Variants in CABIN1 observed in about 807,000 individuals in gnomAD.
The protein encoded by CABIN1 is calcineurin-binding protein cabin-1.
CABIN1 carries 133 observed loss-of-function variants against 227.7 expected under a neutral mutation model. The ratio of observed to expected loss-of-function variants is 0.58; its 90% CI spans 0.51 to 0.67. CABIN1 has a LOEUF of 0.67. Among genes scored for constraint, CABIN1 ranks in the 30% least tolerant of loss-of-function variants. The probability of loss-of-function intolerance (pLI) is 0.00; values close to 1 mark genes in which losing one functional copy is unlikely to be tolerated. For missense variants in CABIN1, 2,408 were observed against 2,852.5 expected, an observed-to-expected ratio of 0.84 and a Z score of 3.55; for synonymous variants, 1,086 against 1,155.1, an observed-to-expected ratio of 0.94 and a Z score of 1.21.
chr22:24,124,405 G>A (rs755823043), intron 28 of CABIN1, among the ~76,000 whole-genome samples: 2 of 152,234 alleles, frequency 1.3e-5, no homozygotes. Context: ...GGTCTGTCCT[G>A]AGAGACCTTT....
chr22:24,019,063 A>C (rs931370309), intron 1 of CABIN1, among the ~76,000 whole-genome samples: 1 of 147,212 alleles, frequency 6.8e-6, no homozygotes, highest in African/African-American at 2.5e-5. Context: ...GTTTGTATAT[A>C]TGAAGGCTAT....
At chr22:24,067,474 C>G (rs1218318806) in intron 16 of CABIN1, among the ~76,000 whole-genome samples, 1 of 152,238 alleles carries the variant, frequency 6.6e-6, no homozygotes, top group Non-Finnish European at 1.5e-5. Flanking sequence ...AGGTCATCAT[C>G]TGTCCATCCA....
intron 8 of CABIN1, among the ~76,000 whole-genome samples, chr22:24,051,647 C>T (rs1423457204): frequency 6.6e-6 from 1 of 152,194 alleles, no homozygotes; most frequent in Non-Finnish European, 1.5e-5. Context: ...CCACCCCTGT[C>T]TGCCTACTCT....
chr22:24,155,722 G>T, intron 29 of CABIN1: 1 of 316,460 alleles, frequency 3.2e-6, no homozygotes. Flanking sequence ...CCTGCAGAGG[G>T]GGGATATAAC....
At position 24,177,358 on chromosome 22, in the gene CABIN1, C is replaced by A; in HGVS notation, c.6206-146C>A. The A allele has an allele frequency of 1.4e-6, 1 of 709,578 alleles. No individual in the cohort carries two copies. The highest frequency in any genetic ancestry group is 2.7e-5 in the East Asian group (1 of 37,532). The allele number at this position is 709,578 out of a possible 1,614,324, so 44.0% of individuals were successfully genotyped here. A position where few individuals can be genotyped will look rare whatever the true frequency, so the allele number is the denominator to read the frequency against. ...TGCAGGCCTGAGCCAAGTATTTGCC[C>A]AGGGTAGAAGCCTTGGAGCCTGCCA... On this transcript the variant is annotated intron_variant, in intron 35 of 36. Coordinates refer to ENST00000263119, the MANE Select transcript of CABIN1 (RefSeq NM_012295.4). This position sits in a 1 kb window ranked among gnomAD's most constrained non-coding sequence, Gnocchi z 4.4.
chr22:24,076,103 CGCA>C (rs1219955517), intron 18 of CABIN1, 63 bp from the exon 19 acceptor site: 8 of 1,140,938 alleles, frequency 7.0e-6, no homozygotes, highest in Non-Finnish European at 1.1e-5. Context: ...GACTGAGCCT[CGCA>C]GCCCCTGCAG....
intron 6 of CABIN1, among the ~76,000 whole-genome samples, chr22:24,045,020 T>C (rs886843088): frequency 6.6e-6 from 1 of 151,700 alleles, no homozygotes; most frequent in Non-Finnish European, 1.5e-5. Context: ...CCCAGGTTCA[T>C]GCCATTCTCC....
chr22:24,061,277 T>C (rs1441732295), intron 12 of CABIN1, among the ~76,000 whole-genome samples: 1 of 152,156 alleles, frequency 6.6e-6, no homozygotes, highest in East Asian at 1.9e-4. Flanking sequence ...CTTACTCCTG[T>C]TGGAGGTGGG....
rs1357741645 is a variant in CABIN1, at chr22:24,096,099, A to G, written c.3938+17A>G. 3 of 1,613,856 alleles carry G rather than the reference A, an allele frequency of 1.9e-6. No individual in the cohort carries two copies. In the South Asian group the frequency reaches 3.3e-5, roughly 18 times the overall value. On this transcript the variant is annotated intron_variant, in intron 25 of 36. Coordinates refer to ENST00000263119, the MANE Select transcript of CABIN1 (RefSeq NM_012295.4). The stretch of plus-strand genomic sequence containing the variant: ...TTCAGAAAAGTGAGTAGCACCCTTC[A>G]GGCGACCCCTAGCAGCTTACCCCAT...
intron 3 of CABIN1, among the ~76,000 whole-genome samples, chr22:24,037,415 G>C (rs141054255): frequency 2.6e-5 from 4 of 151,938 alleles, no homozygotes; most frequent in Admixed American, 2.0e-4. Flanking sequence ...CAGTCTTCCT[G>C]TCTCAGCCTC....
intron 1 of CABIN1, among the ~76,000 whole-genome samples, chr22:24,030,972 C>T (rs779848945): frequency 2.0e-5 from 3 of 152,300 alleles, no homozygotes; most frequent in African/African-American, 4.8e-5. Context: ...TGGTTGGATG[C>T]GTTCCTTTGA....
chr22:24,119,549 C>T lies in CABIN1; in HGVS notation c.4483C>T (p.Gln1495Ter). Reference sequence around the variant, plus strand: ...CCCAGGGGAGCCAGTGGCCTTCCCCCAGGGGCTGCCGGCTGGTGCTGAGGA... The same window carrying T: ...CCCAGGGGAGCCAGTGGCCTTCCCCTAGGGGCTGCCGGCTGGTGCTGAGGA... ...DLPGEPVAFPQGLPAGAEEQR... is the reference protein window; with the variant it reads ...DLPGEPVAFP Residue 1495 changes from glutamine to a stop codon, truncating the protein, a stop_gained, in exon 28 of 37, where the codon CAG (glutamine) becomes TAG (stop). Coordinates refer to ENST00000263119, the MANE Select transcript of CABIN1 (RefSeq NM_012295.4). LOFTEE classifies it high-confidence loss of function. The T allele has an allele frequency of 6.2e-7, 1 of 1,613,942 alleles. No homozygotes were observed. The highest frequency in any genetic ancestry group is 1.3e-5 in the African/African-American group (1 of 75,056).
At chr22:24,161,509 C>A (rs1312039602) in intron 29 of CABIN1, among the ~76,000 whole-genome samples, 1 of 152,142 alleles carries the variant, frequency 6.6e-6, no homozygotes, top group Non-Finnish European at 1.5e-5. Context: ...CAGAGGAGAC[C>A]CTCCTCGCGG....
intron 29 of CABIN1, among the ~76,000 whole-genome samples, chr22:24,156,934 C>T (rs928235659): frequency 2.3e-4 from 35 of 152,292 alleles, no homozygotes; most frequent in African/African-American, 8.4e-4. Flanking sequence ...AGGCTGGAAA[C>T]GAGCGGGCGC....
At position 24,072,542 on chromosome 22, in the gene CABIN1, C is replaced by T. The variant is rs751968265; in HGVS notation, c.2632+32C>T. On this transcript the variant is annotated intron_variant, in intron 18 of 36. Transcript: ENST00000263119. ...AGGCAGTGGGTGCAGTGGGGATGAGCTCTGACTCCCATGTCCTTGCCCCTG... is the reference window on the plus strand; with the variant it reads ...AGGCAGTGGGTGCAGTGGGGATGAGTTCTGACTCCCATGTCCTTGCCCCTG... The T allele has an allele frequency of 1.1e-5, 17 of 1,613,452 alleles. No individual in the cohort carries two copies. The East Asian group carries it at 2.9e-4, about 27-fold the overall frequency.
Position 24,167,298 on chromosome 22 carries a change from C to T in CABIN1, c.5667C>T (p.Tyr1889=), listed in dbSNP as rs145316290. ...GRVERIMSET[Y]MLIKQVDEEA... ...TGGAGAGGATCATGTCGGAGACCTA[C>T]ATGCTCATCAAGCAGGTGGGTGGCA... is the stretch of plus-strand genomic sequence containing the variant. Residue 1889 remains tyrosine (Y), a synonymous_variant, in exon 32 of 37, where the codon TAC becomes TAT. Coordinates refer to ENST00000263119, the MANE Select transcript of CABIN1 (RefSeq NM_012295.4). 8.7e-6 allele frequency: 14 copies of T among 1,612,336 alleles called. No homozygotes were observed. The highest frequency in any genetic ancestry group is 9.3e-6 in the Non-Finnish European group (11 of 1,179,544).
At chr22:24,057,110 G>C (rs187726547) in intron 10 of CABIN1, among the ~76,000 whole-genome samples, 115 of 152,204 alleles carry the variant, frequency 7.6e-4, no homozygotes, top group African/African-American at 2.7e-3. Context: ...CTAATTTTTT[G>C]TATTTTTGGT....
intron 29 of CABIN1, among the ~76,000 whole-genome samples, chr22:24,142,951 G>A (rs17004848): frequency 0.058 from 8,807 of 152,160 alleles, 307 homozygotes; most frequent in South Asian, 0.11. Flanking sequence ...TGCCACCGCT[G>A]CTTGTCCCTT....
chr22:24,163,645 C>G (rs750351376), intron 29 of CABIN1, among the ~76,000 whole-genome samples: 1 of 152,190 alleles, frequency 6.6e-6, no homozygotes, highest in Admixed American at 6.5e-5. Context: ...ATGCCTGTTT[C>G]CTCATCACTC....
Sources: gnomAD v4.1 joint callset for allele counts (sites outside exome capture counted in the v4.1 genomes callset) on GRCh38, gnomAD v4.1.1 for gene constraint, Gnocchi (gnomAD v3.1) non-coding constraint, MANE v1.5 for transcripts, NCBI Gene and HGNC (gene_info 2026-07-23, HGNC 2026-07-21) for gene names.